The following CCDC85A variants were observed in gnomAD, a reference collection of about 807,000 sequenced individuals.
The protein encoded by CCDC85A is coiled-coil domain-containing protein 85A.
CCDC85A carries 38 observed loss-of-function variants against 50.2 expected under a neutral mutation model. That is an observed-to-expected ratio of 0.76 (90% CI 0.58 to 0.99). CCDC85A has a LOEUF of 0.99. CCDC85A is among the 50% of genes least tolerant of loss of function. CCDC85A has a pLI of 0.00. For synonymous variants in CCDC85A, 366 were observed against 301.4 expected, an observed-to-expected ratio of 1.21 and a Z score of -2.22; for missense variants, 820 against 742.0, an observed-to-expected ratio of 1.11 and a Z score of -1.22.
chr2:56,356,711 CT>C (rs199969168), intron 3 of CCDC85A, among the ~76,000 whole-genome samples: 23 of 126,070 alleles, frequency 1.8e-4, no homozygotes, highest in Admixed American at 1.6e-3. Context: ...GCCGACAGAA[CT>C]TTTTTTTTCC....
Position 56,385,864 on chromosome 2 carries a change from T to G in CCDC85A, c.*1509T>G, listed in dbSNP as rs1676799574. The G allele has an allele frequency of 6.6e-6, 1 of 151,806 alleles. No homozygotes were observed. Among genetic ancestry groups the G allele is most frequent in the Admixed American group, 6.6e-5 (1 of 15,186 alleles). The allele number at this position is 151,806 out of a possible 1,614,324, so 9.4% of individuals were successfully genotyped here. A position where few individuals can be genotyped will look rare whatever the true frequency, so the allele number is the denominator to read the frequency against. On this transcript the variant is annotated 3_prime_UTR_variant, in exon 6 of 6. Transcript: ENST00000407595. ...ATTGGGTTACAATTTAAGCTCCCCT[T>G]TTAAATGTTATATTTTAAAATGTTA...
chr2:56,200,934 G>T lies in CCDC85A; in HGVS notation c.1240+7494G>T, dbSNP rs1235199726. On this transcript the variant is annotated intron_variant, in intron 2 of 5. Transcript: ENST00000407595. ...GAAACTTCAGGAATTATATCCAATAGTTTTTTTTTTTATTTAAAAATTTAT... is the reference window on the plus strand; with the variant it reads ...GAAACTTCAGGAATTATATCCAATATTTTTTTTTTTTATTTAAAAATTTAT... Among the ~76,000 whole-genome samples, 3 of 146,842 alleles carry T rather than the reference G, an allele frequency of 2.0e-5. No homozygotes were observed. The South Asian group carries it at 6.5e-4, about 32-fold the overall frequency.
intron 3 of CCDC85A, among the ~76,000 whole-genome samples, chr2:56,357,295 A>G (rs1034901179): frequency 2.0e-5 from 3 of 152,158 alleles, no homozygotes; most frequent in African/African-American, 7.2e-5. Context: ...AGTACCCACT[A>G]TGCTCAGGAT....
chr2:56,328,341 G>C (rs1000496503), intron 2 of CCDC85A, among the ~76,000 whole-genome samples: 1 of 152,096 alleles, frequency 6.6e-6, no homozygotes, highest in Non-Finnish European at 1.5e-5. Context: ...AGGGAGGCTG[G>C]ATACTTGCTC....
intron 2 of CCDC85A, among the ~76,000 whole-genome samples, chr2:56,200,238 A>C (rs566052391): frequency 1.9e-3 from 291 of 152,324 alleles, no homozygotes; most frequent in African/African-American, 6.8e-3. Flanking sequence ...TTATCAACTC[A>C]AATATTTGCT....
At chr2:56,229,857 G>C (rs1352224597) in intron 2 of CCDC85A, among the ~76,000 whole-genome samples, 1 of 152,082 alleles carries the variant, frequency 6.6e-6, no homozygotes, top group Admixed American at 6.5e-5. Context: ...CCAACAAATC[G>C]GTTTTCACCA....
At chr2:56,355,338 A>G (rs1475040450) in intron 3 of CCDC85A, among the ~76,000 whole-genome samples, 3 of 152,314 alleles carry the variant, frequency 2.0e-5, no homozygotes, top group Non-Finnish European at 4.4e-5. Context: ...TGGTCAAGAG[A>G]CAGTCTGTTC....
intron 2 of CCDC85A, among the ~76,000 whole-genome samples, chr2:56,318,251 C>T (rs553715994): frequency 1.1e-3 from 171 of 152,108 alleles, no homozygotes; most frequent in South Asian, 4.6e-3. Flanking sequence ...TGACACTCTG[C>T]GTGACTTTTC....
At chr2:56,381,783 C>T (rs976890935) in intron 5 of CCDC85A, among the ~76,000 whole-genome samples, 15 of 152,124 alleles carry the variant, frequency 9.9e-5, no homozygotes, top group African/African-American at 3.6e-4. Flanking sequence ...AATTTCTGGA[C>T]ATTAGAAAAT....
chr2:56,313,957 A>G (rs1672807897), intron 2 of CCDC85A, among the ~76,000 whole-genome samples: 1 of 149,066 alleles, frequency 6.7e-6, no homozygotes, highest in South Asian at 2.1e-4. Context: ...TAAGCAGGTA[A>G]TAAGCATTGA....
At chr2:56,309,035 G>T (rs1018956840) in intron 2 of CCDC85A, among the ~76,000 whole-genome samples, 1 of 152,146 alleles carries the variant, frequency 6.6e-6, no homozygotes, top group Non-Finnish European at 1.5e-5. Context: ...TTGGGATTGT[G>T]CTCTCTATAG....
intron 2 of CCDC85A, among the ~76,000 whole-genome samples, chr2:56,256,542 T>G (rs1669991318): frequency 3.9e-5 from 6 of 152,210 alleles, no homozygotes; most frequent in Admixed American, 3.3e-4. Context: ...AGGGAATGAA[T>G]TGTACCGATT....
chr2:56,373,860 G>C (rs1186303745), intron 4 of CCDC85A, among the ~76,000 whole-genome samples: 1 of 152,126 alleles, frequency 6.6e-6, no homozygotes, highest in African/African-American at 2.4e-5. Flanking sequence ...GGTTACTCAG[G>C]AAAGAGGAGC....
At chr2:56,254,974 A>G (rs1669919223) in intron 2 of CCDC85A, among the ~76,000 whole-genome samples, 1 of 152,216 alleles carries the variant, frequency 6.6e-6, no homozygotes, top group Admixed American at 6.5e-5. Flanking sequence ...CTCTCACTAC[A>G]TGAATGATGT....
intron 3 of CCDC85A, among the ~76,000 whole-genome samples, chr2:56,356,051 C>A (rs976663467): frequency 6.6e-5 from 10 of 152,116 alleles, no homozygotes; most frequent in African/African-American, 2.4e-4. Flanking sequence ...TTAATTTAAG[C>A]ATTTTCATAT....
rs940767007 is a variant in CCDC85A, at chr2:56,187,514, C to G, written c.276+2614C>G. ...AGTGGAAAGATAAAGAATTTGGATT[C>G]TGATAATTTGGGCAGCTTTGGCCAA... On this transcript the variant is annotated intron_variant, in intron 1 of 5. Transcript: ENST00000407595. 1.3e-4 allele frequency among the ~76,000 whole-genome samples: 20 copies of G among 152,278 alleles called. 1 individual carries two copies. In the East Asian group the frequency reaches 1.7e-3, roughly 13 times the overall value.
chr2:56,271,675 G>A (rs1189166474), intron 2 of CCDC85A, among the ~76,000 whole-genome samples: 4 of 152,116 alleles, frequency 2.6e-5, no homozygotes, highest in South Asian at 2.1e-4. Flanking sequence ...GGAGGTCTCC[G>A]TTGCTGAACA....
intron 2 of CCDC85A, among the ~76,000 whole-genome samples, chr2:56,308,312 T>C (rs1020101731): frequency 6.6e-6 from 1 of 152,176 alleles, no homozygotes; most frequent in Admixed American, 6.6e-5. Flanking sequence ...GGGACTAAAA[T>C]GGAAGACAGT....
At chr2:56,229,816 G>A (rs1432089411) in intron 2 of CCDC85A, among the ~76,000 whole-genome samples, 3 of 152,180 alleles carry the variant, frequency 2.0e-5, no homozygotes, top group Admixed American at 1.3e-4. Context: ...AGCCTACCCC[G>A]TGTTTTGTCT....
Sources: allele counts gnomAD v4.1 joint callset (sites outside exome capture counted in the v4.1 genomes callset), GRCh38; gene constraint gnomAD v4.1.1; transcripts MANE v1.5; gene names NCBI Gene and HGNC (gene_info 2026-07-23, HGNC 2026-07-21).